The following SHANK2 variants were observed in gnomAD, a reference collection of about 807,000 sequenced individuals.
The protein encoded by SHANK2 is SH3 and multiple ankyrin repeat domains protein 2.
SHANK2 carries 43 observed loss-of-function variants against 133.7 expected under a neutral mutation model. The observed-to-expected ratio is 0.32, with a 90% CI of 0.25 to 0.41. The LOEUF (loss-of-function observed/expected upper bound fraction) is 0.41. SHANK2 is among the 10% of genes least tolerant of loss of function. The pLI is 1.00. For missense variants in SHANK2, 1,994 were observed against 2,235.8 expected, an observed-to-expected ratio of 0.89 and a Z score of 2.18; for synonymous variants, 1,017 against 952.8, an observed-to-expected ratio of 1.07 and a Z score of -1.24.
chr11:71,088,090 T>C (rs1951443012), intron 8 of SHANK2, among the ~76,000 whole-genome samples: 1 of 152,136 alleles, frequency 6.6e-6, no homozygotes, highest in Non-Finnish European at 1.5e-5. Context: ...TGATTCTCCA[T>C]AATGTGGGTG....
intron 2 of SHANK2, among the ~76,000 whole-genome samples, chr11:71,206,368 A>G (rs1365449205): frequency 6.6e-6 from 1 of 151,986 alleles, no homozygotes; most frequent in Non-Finnish European, 1.5e-5. Flanking sequence ...TTGGAAGCCA[A>G]CTCTTCCCTC....
At chr11:71,150,532 T>C (rs1555107874) in intron 2 of SHANK2, among the ~76,000 whole-genome samples, 1 of 151,972 alleles carries the variant, frequency 6.6e-6, no homozygotes, top group East Asian at 1.9e-4. Flanking sequence ...AACAATGACA[T>C]TGATAATCCC....
chr11:70,876,938 G>T (rs1949575940), intron 11 of SHANK2, among the ~76,000 whole-genome samples: 1 of 152,160 alleles, frequency 6.6e-6, no homozygotes, highest in African/African-American at 2.4e-5. Context: ...CCAACAAAGG[G>T]CCTCACCACC....
chr11:70,785,126 G>A (rs1947621042), intron 14 of SHANK2, among the ~76,000 whole-genome samples: 1 of 152,130 alleles, frequency 6.6e-6, no homozygotes, highest in African/African-American at 2.4e-5. Flanking sequence ...CTGATTTCTG[G>A]GTAGCCTGTG....
intron 11 of SHANK2, among the ~76,000 whole-genome samples, chr11:70,860,256 G>A (rs1417416914): frequency 2.0e-5 from 3 of 152,164 alleles, no homozygotes; most frequent in African/African-American, 7.2e-5. Context: ...TGAGTTACTT[G>A]GGTGCGGGGG....
At position 71,188,973 on chromosome 11, in the gene SHANK2, TC is replaced by T. The variant is rs1208489299; in HGVS notation, c.-13+35723del. ...GCCCCCCACTCCCACCTAGATGGAG[TC>T]CCAGGAAGCTGCCCCACCACAGGGC... is the stretch of plus-strand genomic sequence containing the variant. On this transcript the variant is annotated intron_variant, in intron 2 of 25. Transcript: ENST00000601538. The surrounding 1 kb of genome is among the most constrained non-coding windows in gnomAD (Gnocchi z 4.6). 6.6e-6 allele frequency among the ~76,000 whole-genome samples: 1 copy of T among 150,932 alleles called. No individual in the cohort carries two copies. The highest frequency in any genetic ancestry group is 6.6e-5 in the Admixed American group (1 of 15,170).
chr11:71,119,215 C>A (rs1452840906), intron 3 of SHANK2, among the ~76,000 whole-genome samples, 183 bp from the exon 4 acceptor site: 3 of 152,104 alleles, frequency 2.0e-5, no homozygotes, highest in African/African-American at 7.2e-5. Flanking sequence ...CACAGACATT[C>A]GGTAAATATA....
Position 71,094,489 on chromosome 11 carries a change from G to A in SHANK2, c.744+48C>T, listed in dbSNP as rs368306222. 1.3e-4 allele frequency: 192 copies of A among 1,524,176 alleles called. No homozygotes were observed. The African/African-American group carries it at 1.8e-3, about 14-fold the overall frequency. The allele number at this position is 1,524,176 out of a possible 1,614,324, so 94.4% of individuals were successfully genotyped here. A position where few individuals can be genotyped will look rare whatever the true frequency, so the allele number is the denominator to read the frequency against. ...CGGGGATGGGATGGGGCAGCCGCAC[G>A]GAATCAGAGCACGGGGTGGCACCCA... On this transcript the variant is annotated intron_variant, in intron 7 of 25. Transcript: ENST00000601538.
chr11:70,717,646 C>T (rs1403320223), intron 14 of SHANK2, among the ~76,000 whole-genome samples: 10 of 152,130 alleles, frequency 6.6e-5, no homozygotes, highest in African/African-American at 2.4e-4. Flanking sequence ...CTCCGCACAC[C>T]AGCCCACAGC....
At chr11:70,787,070 A>C (rs2135149916) in intron 14 of SHANK2, among the ~76,000 whole-genome samples, 1 of 151,592 alleles carries the variant, frequency 6.6e-6, no homozygotes, top group Non-Finnish European at 1.5e-5. Flanking sequence ...CACCATCAGC[A>C]CCATGACCAC....
chr11:70,687,851 C>A (rs1555020022), intron 15 of SHANK2, among the ~76,000 whole-genome samples: 1 of 152,170 alleles, frequency 6.6e-6, no homozygotes, highest in Non-Finnish European at 1.5e-5. Flanking sequence ...AATCCCAGCC[C>A]CCCAGGCCCT....
At chr11:71,107,822 G>A (rs1951824014) in intron 6 of SHANK2, among the ~76,000 whole-genome samples, 1 of 152,218 alleles carries the variant, frequency 6.6e-6, no homozygotes, top group African/African-American at 2.4e-5. Flanking sequence ...CAGTCTGGTG[G>A]AGGAAGCCAG....
At chr11:70,658,647 T>C (rs1376423009) in intron 17 of SHANK2, among the ~76,000 whole-genome samples, 1 of 152,230 alleles carries the variant, frequency 6.6e-6, no homozygotes, top group Non-Finnish European at 1.5e-5. Flanking sequence ...TGACTTTCCA[T>C]TGCCCCGTAA....
At position 70,495,265 on chromosome 11, in the gene SHANK2, C is replaced by T. The variant is rs535829925; in HGVS notation, c.2309-2800G>A. Among the ~76,000 whole-genome samples the T allele has an allele frequency of 1.9e-4, 29 of 152,338 alleles. No homozygotes were observed. In the South Asian group the frequency reaches 5.6e-3, roughly 29 times the overall value. Reference sequence around the variant, plus strand: ...CACCTGCCATGGTCCCAGCAATTTGCTTCCTCCAAGGAGCCTTTCCCCTCC... The same window carrying T: ...CACCTGCCATGGTCCCAGCAATTTGTTTCCTCCAAGGAGCCTTTCCCCTCC... On this transcript the variant is annotated intron_variant, in intron 21 of 25. Coordinates refer to ENST00000601538, the MANE Select transcript of SHANK2 (RefSeq NM_012309.5).
intron 14 of SHANK2, among the ~76,000 whole-genome samples, chr11:70,784,343 G>GTTTC (rs1947592243): frequency 2.3e-5 from 1 of 42,846 alleles, no homozygotes; most frequent in South Asian, 1.4e-3. Context: ...ACACCGGCTA[G>GTTTC]TTTTTTTTTT....
intron 17 of SHANK2, among the ~76,000 whole-genome samples, chr11:70,632,824 G>A (rs996501253): frequency 2.6e-5 from 4 of 152,152 alleles, no homozygotes; most frequent in East Asian, 1.9e-4. Context: ...AAGGTAACTC[G>A]GGGGAAGAGT....
At chr11:70,521,582 G>A (rs1189116588) in intron 17 of SHANK2, among the ~76,000 whole-genome samples, 1 of 152,108 alleles carries the variant, frequency 6.6e-6, no homozygotes, top group Non-Finnish European at 1.5e-5. Flanking sequence ...AAGTTATTTT[G>A]GTGGATTATC....
chr11:70,808,163 T>C (rs1322864778), intron 12 of SHANK2, among the ~76,000 whole-genome samples: 1 of 152,180 alleles, frequency 6.6e-6, no homozygotes, highest in Non-Finnish European at 1.5e-5. Context: ...TCTAAGGTGA[T>C]AAATTTGATG....
chr11:70,498,051 T>A (rs1434238093), intron 21 of SHANK2, among the ~76,000 whole-genome samples: 1 of 152,212 alleles, frequency 6.6e-6, no homozygotes, highest in Non-Finnish European at 1.5e-5. Flanking sequence ...ATGGGGCTGC[T>A]CCACCTCTTC....
Sources: gnomAD v4.1 joint callset for allele counts (sites outside exome capture counted in the v4.1 genomes callset) on GRCh38, gnomAD v4.1.1 for gene constraint, Gnocchi (gnomAD v3.1) non-coding constraint, MANE v1.5 for transcripts, NCBI Gene and HGNC (gene_info 2026-07-23, HGNC 2026-07-21) for gene names.